The following MAP3K8 variants were observed in gnomAD, a reference collection of about 807,000 sequenced individuals.
MAP3K8 encodes the protein Ewing sarcoma transformant.
MAP3K8 carries 22 observed loss-of-function variants against 45.8 expected under a neutral mutation model. The observed-to-expected ratio is 0.48, with a 90% CI of 0.34 to 0.69. MAP3K8 has a LOEUF of 0.69. MAP3K8 is among the 30% of genes least tolerant of loss of function. The probability of loss-of-function intolerance (pLI) is 0.01; values close to 1 mark genes in which losing one functional copy is unlikely to be tolerated. For synonymous variants in MAP3K8, 223 were observed against 214.3 expected (o/e 1.04, Z -0.36); for missense variants, 419 against 585.0 (o/e 0.72, Z 2.93).
At chr10:30,458,010 A>G in intron 6 of MAP3K8, 74 bp from the exon 7 acceptor site, 2 of 1,304,704 alleles carry the variant, frequency 1.5e-6, no homozygotes, top group Admixed American at 5.9e-5. Flanking sequence ...GCCAATTTCC[A>G]GAACTGGATT....
At chr10:30,456,640 A>G (rs2132828920) in intron 6 of MAP3K8, among the ~76,000 whole-genome samples, 2 of 152,340 alleles carry the variant, frequency 1.3e-5, no homozygotes, top group South Asian at 4.1e-4. Flanking sequence ...ACCAGCCATG[A>G]ATACAAATCA....
chr10:30,459,170 T>C (rs1836847162), intron 7 of MAP3K8, 85 bp from the exon 8 acceptor site: 1 of 1,481,372 alleles, frequency 6.8e-7, no homozygotes, highest in African/African-American at 1.4e-5. Flanking sequence ...AACGGATTAC[T>C]TTCTAGGTCC....
intron 3 of MAP3K8, 99 bp downstream of exon 3, chr10:30,439,373 G>A (rs1182209376): frequency 6.6e-7 from 1 of 1,504,480 alleles, no homozygotes; most frequent in Non-Finnish European, 8.9e-7. Context: ...TAGATGGGCT[G>A]GCAGGCATGA....
At chr10:30,457,941 C>T in intron 6 of MAP3K8, 143 bp from the exon 7 acceptor site, 1 of 620,872 alleles carries the variant, frequency 1.6e-6, no homozygotes, top group Non-Finnish European at 2.5e-6. Context: ...ACACCTCCAG[C>T]AATTGCTGCA....
intron 6 of MAP3K8, among the ~76,000 whole-genome samples, chr10:30,455,995 C>T (rs1836716092): frequency 1.3e-5 from 2 of 152,184 alleles, no homozygotes; most frequent in African/African-American, 4.8e-5. Context: ...TACAGATGTT[C>T]CATCCCCCCA....
At chr10:30,446,547 A>AAAAAG (rs1836346626) in intron 3 of MAP3K8, among the ~76,000 whole-genome samples, 2 of 151,878 alleles carry the variant, frequency 1.3e-5, no homozygotes, top group African/African-American at 4.8e-5. Context: ...AAAAAAAAAA[A>AAAAAG]AAAAGAAGAA....
chr10:30,459,457 G>A lies in MAP3K8; in HGVS notation c.1229G>A (p.Arg410Lys), dbSNP rs967742174. Residue 410 changes from arginine (R) to lysine (K), a missense_variant, in exon 8 of 9, where the codon AGG becomes AAG. Around this residue, in one of 3 missense-constraint regions of MAP3K8, gnomAD observed 108 missense variants for 124.2 expected, o/e 0.87. Coordinates refer to ENST00000263056, the MANE Select transcript of MAP3K8 (RefSeq NM_005204.4). ...GACTCTGCCCTCTTGGAGCGCAAGA[G>A]GCTGCTGAGTAGGAAGGAGCTGGAA... is the stretch of plus-strand genomic sequence containing the variant. ...SLDSALLERK[R>K]LLSRKELELP... 2 of 1,614,014 alleles carry A rather than the reference G, an allele frequency of 1.2e-6. No individual in the cohort carries two copies. The highest frequency in any genetic ancestry group is 1.7e-4 in the Middle Eastern group (1 of 6,052).
chr10:30,461,009 C>T lies in MAP3K8; in HGVS notation c.*173C>T. Reference sequence around the variant, plus strand: ...GGCCCTGTGTGTTTGACATGTGAAGCTATTTGATATGCACCAGGTCTCAAG... The same window carrying T: ...GGCCCTGTGTGTTTGACATGTGAAGTTATTTGATATGCACCAGGTCTCAAG... On this transcript the variant is annotated 3_prime_UTR_variant, in exon 9 of 9. Coordinates refer to ENST00000263056, the MANE Select transcript of MAP3K8 (RefSeq NM_005204.4). The T allele has an allele frequency of 1.6e-6, 1 of 638,470 alleles. No homozygotes were observed. Among genetic ancestry groups the T allele is most frequent in the African/African-American group, 1.9e-5 (1 of 53,572 alleles). The allele number at this position is 638,470 out of a possible 1,614,324, so 39.6% of individuals were successfully genotyped here.
In MAP3K8 at chr10:30,446,399, G is replaced by T. The variant is rs556406501; in HGVS notation, c.337-1383G>T. Among the ~76,000 whole-genome samples the T allele has an allele frequency of 6.3e-4, 96 of 152,190 alleles. 1 individual carries two copies. Among genetic ancestry groups the T allele is most frequent in the African/African-American group, 2.3e-3 (95 of 41,528 alleles). ...AAAATACAAAATTTAGCCAGGCGTGGTGGTGCGTACCTATAATCCCAGCTA... is the reference window on the plus strand; with the variant it reads ...AAAATACAAAATTTAGCCAGGCGTGTTGGTGCGTACCTATAATCCCAGCTA... On this transcript the variant is annotated intron_variant, in intron 3 of 8. Transcript: ENST00000263056.
chr10:30,443,717 T>C (rs1179255363), intron 3 of MAP3K8, among the ~76,000 whole-genome samples: 1 of 151,182 alleles, frequency 6.6e-6, no homozygotes, highest in Non-Finnish European at 1.5e-5. Flanking sequence ...GTGGAATCTA[T>C]TCTTACTATA....
intron 4 of MAP3K8, among the ~76,000 whole-genome samples, 183 bp from the exon 5 acceptor site, chr10:30,450,075 A>T (rs576252693): frequency 6.5e-4 from 99 of 152,342 alleles, no homozygotes; most frequent in African/African-American, 2.2e-3. Flanking sequence ...CTTAAAGCTG[A>T]CTAACATAGT....
intron 6 of MAP3K8, among the ~76,000 whole-genome samples, chr10:30,457,880 A>T (rs898937749): frequency 6.6e-6 from 1 of 152,118 alleles, no homozygotes; most frequent in East Asian, 1.9e-4. Flanking sequence ...AGCTGGGATT[A>T]TAGGTGTGAG....
Position 30,460,904 on chromosome 10 carries a change from A to G in MAP3K8, c.*68A>G, listed in dbSNP as rs958922552. On this transcript the variant is annotated 3_prime_UTR_variant, in exon 9 of 9. Coordinates refer to ENST00000263056, the MANE Select transcript of MAP3K8 (RefSeq NM_005204.4). ...TGGAGGCTGGTTCTGCTGCCTCTAC[A>G]CAGGGGCCCTGTACAGTGAATGGTG... 2 of 1,590,590 alleles carry G rather than the reference A, an allele frequency of 1.3e-6. No individual in the cohort carries two copies. The highest frequency in any genetic ancestry group is 2.7e-5 in the African/African-American group (2 of 74,526).
chr10:30,441,100 T>A (rs1836088776), intron 3 of MAP3K8, among the ~76,000 whole-genome samples: 1 of 152,036 alleles, frequency 6.6e-6, no homozygotes, highest in African/African-American at 2.4e-5. Flanking sequence ...TAAAATGTTG[T>A]CATTACCTGC....
intron 5 of MAP3K8, 91 bp downstream of exon 5, chr10:30,450,610 C>A: frequency 8.2e-7 from 1 of 1,223,390 alleles, no homozygotes; most frequent in Non-Finnish European, 1.2e-6. Flanking sequence ...GAAGACCCTC[C>A]ATGGAGGGTG....
Position 30,437,156 on chromosome 10 carries a change from C to G in MAP3K8, c.-254-20C>G. On this transcript the variant is annotated intron_variant, in intron 1 of 8. Transcript: ENST00000263056. ...ATAGGTTTCTGCCTTTTTTTTCTCT[C>G]TCTTTATGTCTTGTTTTAGATGCAA... The G allele has an allele frequency of 2.0e-6, 2 of 984,962 alleles. No individual in the cohort carries two copies. The highest frequency in any genetic ancestry group is 2.4e-6 in the Non-Finnish European group (2 of 829,766). The allele number at this position is 984,962 out of a possible 1,614,324, so 61.0% of individuals were successfully genotyped here.
chr10:30,439,805 T>C (rs1417646540), intron 3 of MAP3K8, among the ~76,000 whole-genome samples: 1 of 152,224 alleles, frequency 6.6e-6, no homozygotes, highest in African/African-American at 2.4e-5. Context: ...TGAGACTCTG[T>C]CTCAACAACA....
intron 6 of MAP3K8, among the ~76,000 whole-genome samples, chr10:30,453,564 GT>G (rs1325823322): frequency 6.6e-6 from 1 of 152,192 alleles, no homozygotes; most frequent in Non-Finnish European, 1.5e-5. Flanking sequence ...GGCTGACTGG[GT>G]GATTCAATTA....
intron 3 of MAP3K8, among the ~76,000 whole-genome samples, chr10:30,446,840 A>G (rs1836357482): frequency 1.3e-5 from 2 of 152,204 alleles, no homozygotes; most frequent in South Asian, 4.1e-4. Flanking sequence ...TGACAAATGC[A>G]TGTGCCCTTG....
Sources: gnomAD v4.1 joint callset for allele counts (sites outside exome capture counted in the v4.1 genomes callset) on GRCh38, gnomAD v4.1.1 for gene constraint, gnomAD v4.1.1 regional missense constraint, MANE v1.5 for transcripts, NCBI Gene and HGNC (gene_info 2026-07-23, HGNC 2026-07-21) for gene names.